Variants in TOPBP1 observed in about 807,000 individuals in gnomAD.
The protein encoded by TOPBP1 is DNA topoisomerase II binding protein 1.
Under a neutral mutation model 167.7 loss-of-function variants are expected in TOPBP1, and 28 were observed. That is an observed-to-expected ratio of 0.17 (90% CI 0.12 to 0.23). The LOEUF is 0.23. Among genes scored for constraint, TOPBP1 ranks in the 10% least tolerant of loss-of-function variants. TOPBP1 has a pLI of 1.00. For missense variants in TOPBP1, 1,554 were observed against 1,809.6 expected, an observed-to-expected ratio of 0.86 and a Z score of 2.56; for synonymous variants, 598 against 611.4, an observed-to-expected ratio of 0.98 and a Z score of 0.32.
chr3:133,617,330 A>G lies in TOPBP1; in HGVS notation c.3593-4T>C. 1 of 1,599,322 alleles carries G rather than the reference A, an allele frequency of 6.3e-7. No individual in the cohort carries two copies. Among genetic ancestry groups the G allele is most frequent in the Non-Finnish European group, 8.5e-7 (1 of 1,174,848 alleles). On this transcript the variant is annotated splice_polypyrimidine_tract_variant and splice_region_variant and intron_variant, in intron 21 of 27. Transcript: ENST00000260810. ...ATGTTTCCAGGATCACAGACAGCTGAGGACAATAAAATGCTGCAGTGTGAC... is the reference window on the plus strand; with the variant it reads ...ATGTTTCCAGGATCACAGACAGCTGGGGACAATAAAATGCTGCAGTGTGAC...
chr3:133,630,527 G>A (rs887601799), intron 14 of TOPBP1, among the ~76,000 whole-genome samples: 3 of 151,798 alleles, frequency 2.0e-5, no homozygotes, highest in Non-Finnish European at 4.4e-5. Context: ...CAAACTCCTA[G>A]GCTCAAGCAA....
At chr3:133,660,129 C>T (rs927299950) in intron 2 of TOPBP1, among the ~76,000 whole-genome samples, 4 of 152,312 alleles carry the variant, frequency 2.6e-5, no homozygotes, top group African/African-American at 9.6e-5. Flanking sequence ...GTTGCTCTCT[C>T]TGCCTGCAAC....
chr3:133,655,009 C>A (rs1267387273), intron 6 of TOPBP1, among the ~76,000 whole-genome samples: 2 of 152,028 alleles, frequency 1.3e-5, no homozygotes, highest in Non-Finnish European at 2.9e-5. Context: ...CAGTTAGAGA[C>A]CAGTCTGGCC....
chr3:133,652,695 G>T, intron 7 of TOPBP1, 66 bp from the exon 8 acceptor site: 1 of 1,348,690 alleles, frequency 7.4e-7, no homozygotes, highest in Non-Finnish European at 1.0e-6. Flanking sequence ...ATTGTCTATG[G>T]ATTAACTTTT....
chr3:133,608,480 A>G, intron 27 of TOPBP1, 55 bp downstream of exon 27: 1 of 1,580,724 alleles, frequency 6.3e-7, no homozygotes. Flanking sequence ...TTACTTATCT[A>G]TGCACATAAA....
Position 133,649,806 on chromosome 3 carries a change from C to T in TOPBP1, c.1227G>A (p.Lys409=). The change falls in exon 9 of 28, where the codon AAG becomes AAA. Residue 409 remains lysine (K), a synonymous_variant. Transcript: ENST00000260810. ...VIVGDYDDEL[K]QFWNKSAHRP... is the part of the protein sequence containing the mutation. Reference sequence around the variant, plus strand: ...TGTGGGCTGATTTATTCCAAAACTGCTTCAATTCATCATCATAATCTCCCA... The same window carrying T: ...TGTGGGCTGATTTATTCCAAAACTGTTTCAATTCATCATCATAATCTCCCA... 1 of 1,603,718 alleles carries T rather than the reference C, an allele frequency of 6.2e-7. No homozygotes were observed. The highest frequency in any genetic ancestry group is 8.5e-7 in the Non-Finnish European group (1 of 1,177,600).
At chr3:133,651,397 C>T (rs948517975) in intron 8 of TOPBP1, among the ~76,000 whole-genome samples, 21 of 151,688 alleles carry the variant, frequency 1.4e-4, no homozygotes, top group African/African-American at 5.1e-4. Context: ...ACCATGTTGG[C>T]CAGGCTGGTC....
At chr3:133,605,208 A>G (rs1164479633) in intron 27 of TOPBP1, among the ~76,000 whole-genome samples, 1 of 151,742 alleles carries the variant, frequency 6.6e-6, no homozygotes, top group Non-Finnish European at 1.5e-5. Context: ...CAAAAAAAAA[A>G]AAAAGAAAAC....
In TOPBP1 at chr3:133,600,249, T is replaced by G. The variant is rs1160096044; in HGVS notation, c.*1001A>C. 1 of 153,882 alleles carries G rather than the reference T, an allele frequency of 6.5e-6. No individual in the cohort carries two copies. Among genetic ancestry groups the G allele is most frequent in the Non-Finnish European group, 1.4e-5 (1 of 70,186 alleles). 9.5% of individuals were successfully genotyped at this position (153,882 alleles called of 1,614,324 possible). A position where few individuals can be genotyped will look rare whatever the true frequency, so the allele number is the denominator to read the frequency against. ...CTGGCCTGCAATTCTTTTTTTTTTT[T>G]TTTTTGAGATGGAGTTTCGCTCTTG... is the stretch of plus-strand genomic sequence containing the variant. On this transcript the variant is annotated 3_prime_UTR_variant, in exon 28 of 28. Coordinates refer to ENST00000260810, the MANE Select transcript of TOPBP1 (RefSeq NM_007027.4).
At chr3:133,626,370 T>A (rs1935267160) in intron 16 of TOPBP1, among the ~76,000 whole-genome samples, 2 of 152,294 alleles carry the variant, frequency 1.3e-5, no homozygotes, top group South Asian at 4.1e-4. Context: ...GCTACTAGCA[T>A]GCAGTGGGTA....
At chr3:133,603,368 G>A (rs1450393878) in intron 27 of TOPBP1, among the ~76,000 whole-genome samples, 1 of 151,764 alleles carries the variant, frequency 6.6e-6, no homozygotes, top group Non-Finnish European at 1.5e-5. Context: ...AAAACAAACA[G>A]CAAAAAACCC....
intron 27 of TOPBP1, among the ~76,000 whole-genome samples, chr3:133,604,121 C>T (rs996967799): frequency 6.6e-6 from 1 of 150,742 alleles, no homozygotes; most frequent in African/African-American, 2.4e-5. Flanking sequence ...CAGGAATAAA[C>T]TTATTTATTT....
At chr3:133,646,651 C>CA (rs561099781) in intron 10 of TOPBP1, among the ~76,000 whole-genome samples, 10,775 of 100,182 alleles carry the variant, frequency 0.11, 836 homozygotes, top group African/African-American at 0.26. Flanking sequence ...ACCCTGTCTC[C>CA]AAAAAAAAAA....
At chr3:133,633,255 C>G (rs1038288042) in intron 14 of TOPBP1, among the ~76,000 whole-genome samples, 1 of 152,162 alleles carries the variant, frequency 6.6e-6, no homozygotes, top group South Asian at 2.1e-4. Context: ...CATCATGCCA[C>G]CAAAACCCTT....
At chr3:133,650,166 A>G (rs1357294665) in intron 8 of TOPBP1, among the ~76,000 whole-genome samples, 1 of 152,212 alleles carries the variant, frequency 6.6e-6, no homozygotes, top group Non-Finnish European at 1.5e-5. Flanking sequence ...CACAGTAGAT[A>G]CTTGATAAGT....
At chr3:133,617,905 C>A (rs1934953616) in intron 21 of TOPBP1, among the ~76,000 whole-genome samples, 1 of 151,914 alleles carries the variant, frequency 6.6e-6, no homozygotes, top group Non-Finnish European at 1.5e-5. Context: ...GAAGAAAAAC[C>A]AAGCATTAAC....
chr3:133,647,350 T>C (rs1936111545), intron 10 of TOPBP1, among the ~76,000 whole-genome samples: 2 of 152,182 alleles, frequency 1.3e-5, no homozygotes, highest in African/African-American at 2.4e-5. Context: ...CCTAGGCACC[T>C]AGCAGACCCA....
intron 23 of TOPBP1, among the ~76,000 whole-genome samples, 182 bp downstream of exon 23, chr3:133,616,632 C>T (rs1934891089): frequency 6.6e-6 from 1 of 152,204 alleles, no homozygotes; most frequent in Non-Finnish European, 1.5e-5. Flanking sequence ...CCATGATCTA[C>T]TGACTTTAGA....
rs1400644843 is a variant in TOPBP1 at position 133,640,086 on chromosome 3, GCCA to G, written c.2103_2105del (p.Gly702del). 6.2e-7 allele frequency: 1 copy of G among 1,613,736 alleles called. No individual in the cohort carries two copies. The highest frequency in any genetic ancestry group is 8.5e-7 in the Non-Finnish European group (1 of 1,179,834). ...ACTTCTTTGCAGCTTCATATTTAGAGCCACCACGTTCTTTCAGTATAAGATGAG... is the reference window on the plus strand; with the variant it reads ...ACTTCTTTGCAGCTTCATATTTAGAGCCACGTTCTTTCAGTATAAGATGAG... On this transcript the variant is annotated inframe_deletion, in exon 13 of 28. Coordinates refer to ENST00000260810, the MANE Select transcript of TOPBP1 (RefSeq NM_007027.4).
Sources: allele counts gnomAD v4.1 joint callset (sites outside exome capture counted in the v4.1 genomes callset), GRCh38; gene constraint gnomAD v4.1.1; transcripts MANE v1.5; gene names NCBI Gene and HGNC (gene_info 2026-07-23, HGNC 2026-07-21).